Variants in CYBRD1 observed in about 807,000 individuals in gnomAD.
The protein encoded by CYBRD1 is cytochrome b reductase 1.
Under a neutral mutation model 21.9 loss-of-function variants are expected in CYBRD1, and 14 were observed. The observed-to-expected ratio is 0.64, with a 90% CI of 0.42 to 1.00. The LOEUF (loss-of-function observed/expected upper bound fraction) is 1.00. Ranked by LOEUF, CYBRD1 falls within the 50% of genes least tolerant of loss-of-function variation. The probability of loss-of-function intolerance (pLI) is 0.00; values close to 1 mark genes in which losing one functional copy is unlikely to be tolerated. For synonymous variants in CYBRD1, 146 were observed against 136.5 expected (o/e 1.07, Z -0.48); for missense variants, 328 against 352.5 (o/e 0.93, Z 0.56).
intron 1 of CYBRD1, among the ~76,000 whole-genome samples, chr2:171,535,849 A>C (rs539677187): frequency 6.6e-6 from 1 of 152,162 alleles, no homozygotes. Context: ...TGGGTTGCCC[A>C]AGCTGGTCTT....
At chr2:171,534,186 A>G (rs896171648) in intron 1 of CYBRD1, among the ~76,000 whole-genome samples, 3 of 152,086 alleles carry the variant, frequency 2.0e-5, no homozygotes, top group East Asian at 1.9e-4. Context: ...TGTATTTCTC[A>G]TCTATAATGT....
chr2:171,528,094 A>ATT (rs148151471), intron 1 of CYBRD1, among the ~76,000 whole-genome samples: 2 of 151,138 alleles, frequency 1.3e-5, no homozygotes, highest in African/African-American at 2.4e-5. Flanking sequence ...ATTTTATTTT[A>ATT]TTTTTTTTGA....
chr2:171,553,329 C>A lies in CYBRD1; in HGVS notation c.403-17C>A. The A allele has an allele frequency of 5.6e-6, 9 of 1,612,922 alleles. No individual in the cohort carries two copies. The highest frequency in any genetic ancestry group is 7.6e-6 in the Non-Finnish European group (9 of 1,179,300). ...ACTTAAAATTAAATGATAACCTTTG[C>A]ACTTTTTGGTGTTTAGCTTCTTTCA... is the stretch of plus-strand genomic sequence containing the variant. On this transcript the variant is annotated splice_polypyrimidine_tract_variant and intron_variant, in intron 2 of 3. Transcript: ENST00000321348.
At chr2:171,551,130 G>A (rs1433674980) in intron 2 of CYBRD1, 2 of 159,372 alleles carry the variant, frequency 1.3e-5, no homozygotes, top group African/African-American at 4.8e-5. Context: ...CTAATTTTTT[G>A]TAGAGATGGG....
chr2:171,532,370 T>G (rs920781393), intron 1 of CYBRD1, among the ~76,000 whole-genome samples: 8 of 152,236 alleles, frequency 5.3e-5, no homozygotes, highest in Non-Finnish European at 1.2e-4. Context: ...TTACTCTTAT[T>G]TTATTTTTGA....
intron 1 of CYBRD1, among the ~76,000 whole-genome samples, chr2:171,534,998 G>A (rs565017671): frequency 9.2e-4 from 140 of 152,248 alleles, no homozygotes; most frequent in African/African-American, 3.2e-3. Context: ...CCAAGATTGC[G>A]CCACTACACT....
chr2:171,522,600 G>T lies in CYBRD1; in HGVS notation c.55G>T (p.Val19Phe). Residue 19 changes from valine (V) to phenylalanine (F), a missense_variant, in exon 1 of 4, where the codon GTC becomes TTC. By Grantham distance (50) the Val-to-Phe change is conservative. Coordinates refer to ENST00000321348, the MANE Select transcript of CYBRD1 (RefSeq NM_024843.4). This position sits in a 1 kb window ranked among gnomAD's most constrained non-coding sequence, Gnocchi z 4.3. ...FLALLGSALL[V>F]GFLSVIFALV... Reference sequence around the variant, plus strand: ...GGCGCTGCTGGGGTCGGCACTGCTCGTCGGCTTCCTGTCGGTGATCTTCGC... The same window carrying T: ...GGCGCTGCTGGGGTCGGCACTGCTCTTCGGCTTCCTGTCGGTGATCTTCGC... 7 of 1,612,586 alleles carry T rather than the reference G, an allele frequency of 4.3e-6. No individual in the cohort carries two copies. Among genetic ancestry groups the T allele is most frequent in the East Asian group, 2.2e-5 (1 of 44,848 alleles).
intron 1 of CYBRD1, among the ~76,000 whole-genome samples, chr2:171,540,348 C>T (rs566946184): frequency 2.6e-5 from 4 of 152,034 alleles, no homozygotes; most frequent in Non-Finnish European, 5.9e-5. Flanking sequence ...AGTTGTAGAT[C>T]GTTTCTTTCC....
At chr2:171,531,153 T>G (rs797001971) in intron 1 of CYBRD1, among the ~76,000 whole-genome samples, 417 of 13,448 alleles carry the variant, frequency 0.031, 4 homozygotes, top group African/African-American at 0.071. Flanking sequence ...AGACCCTGTC[T>G]CAAAAAAAAA....
chr2:171,523,234 C>T, intron 1 of CYBRD1: 1 of 410,596 alleles, frequency 2.4e-6, no homozygotes, highest in Non-Finnish European at 4.9e-6. Context: ...TTCCAGGCTG[C>T]AGATGAGGAG....
intron 1 of CYBRD1, among the ~76,000 whole-genome samples, chr2:171,530,341 G>A (rs982103409): frequency 3.3e-5 from 5 of 152,206 alleles, no homozygotes; most frequent in Non-Finnish European, 5.9e-5. Flanking sequence ...GAAGCCCAAA[G>A]TATTGGCATC....
intron 2 of CYBRD1, among the ~76,000 whole-genome samples, chr2:171,548,645 TAAAAAAAAAAA>T (rs57266656): frequency 1.1e-5 from 1 of 89,970 alleles, no homozygotes; most frequent in African/African-American, 4.5e-5. Flanking sequence ...ACCTGTACCC[TAAAAAAAAAAA>T]AAAAAAAAAA....
In CYBRD1 at chr2:171,554,641, A is replaced by G. The variant is rs1261698524; in HGVS notation, c.675A>G (p.Lys225=). ...GGATAGTCACCAGACCGCAATGGAA[A>G]CGTCCTAAGGAGCCAAATTCTACCA... ...IFWIVTRPQW[K]RPKEPNSTIL... Residue 225 remains lysine, a synonymous_variant, in exon 4 of 4, where the codon AAA becomes AAG. Transcript: ENST00000321348. The G allele has an allele frequency of 6.2e-7, 1 of 1,614,062 alleles. No individual in the cohort carries two copies. The highest frequency in any genetic ancestry group is 1.7e-5 in the Admixed American group (1 of 59,990).
intron 1 of CYBRD1, among the ~76,000 whole-genome samples, chr2:171,536,414 C>T (rs1464953893): frequency 6.6e-6 from 1 of 152,166 alleles, no homozygotes; most frequent in Non-Finnish European, 1.5e-5. Context: ...AAGCGATCCT[C>T]CTGCCTCAAG....
Position 171,554,783 on chromosome 2 carries a change from A to G in CYBRD1, c.817A>G (p.Arg273Gly). ...ELNSEVAARK[R>G]NLALDEAGQR... is the part of the protein sequence containing the mutation. ...AAACAGTGAAGTAGCAGCAAGGAAA[A>G]GAAACTTAGCTCTGGATGAGGCTGG... The change falls in exon 4 of 4, where the codon AGA becomes GGA. Residue 273 changes from arginine to glycine, a missense_variant. Transcript: ENST00000321348. The G allele has an allele frequency of 6.2e-7, 1 of 1,613,938 alleles. No individual in the cohort carries two copies. Among genetic ancestry groups the G allele is most frequent in the South Asian group, 1.1e-5 (1 of 91,080 alleles).
rs945399870 is a variant in CYBRD1 at position 171,557,848 on chromosome 2, C to A, written c.*3021C>A. ...GTAAAGCTTTATGCTAATTTTATTT[C>A]AATATGATAGAAAATTTATCTTGGT... On this transcript the variant is annotated 3_prime_UTR_variant, in exon 4 of 4. Coordinates refer to ENST00000321348, the MANE Select transcript of CYBRD1 (RefSeq NM_024843.4). The A allele has an allele frequency of 6.6e-6, 1 of 152,120 alleles. No individual in the cohort carries two copies. Among genetic ancestry groups the A allele is most frequent in the Non-Finnish European group, 1.5e-5 (1 of 68,006 alleles). The allele number at this position is 152,120 out of a possible 1,614,324, so 9.4% of individuals were successfully genotyped here.
intron 1 of CYBRD1, among the ~76,000 whole-genome samples, chr2:171,527,579 T>A (rs1312030027): frequency 1.3e-5 from 2 of 152,208 alleles, no homozygotes; most frequent in Admixed American, 1.3e-4. Context: ...CCAGGAAGAA[T>A]GGACATCATA....
chr2:171,537,311 T>C (rs1452950993), intron 1 of CYBRD1, among the ~76,000 whole-genome samples: 1 of 152,130 alleles, frequency 6.6e-6, no homozygotes, highest in African/African-American at 2.4e-5. Flanking sequence ...TAGATAAAAG[T>C]TCACTAGGTC....
At chr2:171,551,187 GATC>G (rs917463648) in intron 2 of CYBRD1, 3 of 154,084 alleles carry the variant, frequency 1.9e-5, no homozygotes, top group Non-Finnish European at 4.3e-5. Context: ...GGACTCAAGT[GATC>G]TTCCCACCTT....
Sources: gnomAD v4.1 joint callset for allele counts (sites outside exome capture counted in the v4.1 genomes callset) on GRCh38, gnomAD v4.1.1 for gene constraint, Gnocchi (gnomAD v3.1) non-coding constraint, MANE v1.5 for transcripts, NCBI Gene and HGNC (gene_info 2026-07-23, HGNC 2026-07-21) for gene names.